SUPT3H: variants seen among roughly 807,000 people sequenced by gnomAD.
SUPT3H encodes the protein transcription initiation protein SPT3 homolog.
A neutral mutation model predicts 44.3 loss-of-function variants in SUPT3H; 44 were observed. That is an observed-to-expected ratio of 0.99 (90% confidence interval 0.78 to 1.28). The LOEUF is 1.28. Among genes scored for constraint, SUPT3H ranks in the 50% most tolerant of loss-of-function variants. The probability of loss-of-function intolerance (pLI) is 0.00; values close to 1 mark genes in which losing one functional copy is unlikely to be tolerated. For synonymous variants in SUPT3H, 124 were observed against 125.6 expected (o/e 0.99, Z 0.09); for missense variants, 380 against 387.1 (o/e 0.98, Z 0.15).
intron 3 of SUPT3H, among the ~76,000 whole-genome samples, chr6:45,086,044 CAGG>C (rs1796430912): frequency 6.6e-6 from 1 of 152,128 alleles, no homozygotes; most frequent in East Asian, 1.9e-4. Flanking sequence ...CTGAAGGTTG[CAGG>C]AGTTCTATCA....
intron 2 of SUPT3H, among the ~76,000 whole-genome samples, chr6:45,252,673 T>C (rs1447106218): frequency 2.6e-5 from 4 of 152,074 alleles, no homozygotes; most frequent in African/African-American, 7.2e-5. Flanking sequence ...AGAAAACATC[T>C]ATCAGAAGAG....
chr6:45,037,618 C>G (rs762689989), intron 3 of SUPT3H, among the ~76,000 whole-genome samples: 1 of 151,606 alleles, frequency 6.6e-6, no homozygotes, highest in Non-Finnish European at 1.5e-5. Context: ...GAGCTGAGAT[C>G]ATGCCACTGC....
chr6:45,083,657 T>C (rs1173667256), intron 3 of SUPT3H, among the ~76,000 whole-genome samples: 2 of 149,586 alleles, frequency 1.3e-5, no homozygotes, highest in African/African-American at 2.5e-5. Flanking sequence ...CTAAGTAAAA[T>C]GAACAGTCAG....
At chr6:44,909,875 A>G (rs1000043040) in intron 10 of SUPT3H, among the ~76,000 whole-genome samples, 1 of 152,234 alleles carries the variant, frequency 6.6e-6, no homozygotes, top group Non-Finnish European at 1.5e-5. Flanking sequence ...TCAAACTTTA[A>G]ATGAAGTTTA....
At position 44,928,882 on chromosome 6, in the gene SUPT3H, C is replaced by CAAAATAAATA. The variant is rs1491206167; in HGVS notation, c.912+3770_912+3771insTATTTATTTT. Among the ~76,000 whole-genome samples the CAAAATAAATA allele has an allele frequency of 1.4e-3, 29 of 20,632 alleles. 1 individual carries two copies. The highest frequency in any genetic ancestry group is 8.2e-3 in the African/African-American group (26 of 3,166). The allele number at this position is 20,632 out of a possible 152,430, so 13.5% of individuals were successfully genotyped here. A position where few individuals can be genotyped will look rare whatever the true frequency, so the allele number is the denominator to read the frequency against. ...TGGGCGACAGAACGAGACTCCGTCTCAAAAAAAAAAAAAAAAAAAAAAGAA... is the reference window on the plus strand; with the variant it reads ...TGGGCGACAGAACGAGACTCCGTCTCAAAATAAATAAAAAAAAAAAAAAAAAAAAAAAGAA... On this transcript the variant is annotated intron_variant, in intron 10 of 10. Coordinates refer to ENST00000371459, the MANE Select transcript of SUPT3H (RefSeq NM_003599.4).
At chr6:45,332,722 GA>G (rs1182758957) in intron 2 of SUPT3H, among the ~76,000 whole-genome samples, 10 of 151,508 alleles carry the variant, frequency 6.6e-5, no homozygotes, top group African/African-American at 2.4e-4. Context: ...AAAAACATGT[GA>G]CCAAATAGAC....
chr6:45,376,805 T>C (rs1796841282), intron 1 of SUPT3H, among the ~76,000 whole-genome samples: 1 of 151,868 alleles, frequency 6.6e-6, no homozygotes, highest in South Asian at 2.1e-4. Flanking sequence ...TTCCAGAGTC[T>C]GCCCTTCACA....
chr6:45,303,315 A>C (rs569047165), intron 2 of SUPT3H, among the ~76,000 whole-genome samples: 98 of 152,268 alleles, frequency 6.4e-4, no homozygotes, highest in African/African-American at 2.3e-3. Context: ...AAGGATATAA[A>C]CAGCAGAGTA....
chr6:44,982,595 CTA>C (rs1779252073), intron 6 of SUPT3H, among the ~76,000 whole-genome samples: 1 of 152,294 alleles, frequency 6.6e-6, no homozygotes, highest in East Asian at 1.9e-4. Flanking sequence ...TACTTCAAAA[CTA>C]TGAGTGTGTT....
chr6:44,929,869 G>C (rs950135161), intron 10 of SUPT3H, among the ~76,000 whole-genome samples: 8 of 151,662 alleles, frequency 5.3e-5, no homozygotes, highest in Non-Finnish European at 1.0e-4. Context: ...ATTTTAATGA[G>C]ATAATTTTTA....
At chr6:45,000,974 T>C (rs1464030348) in intron 6 of SUPT3H, among the ~76,000 whole-genome samples, 1 of 152,102 alleles carries the variant, frequency 6.6e-6, no homozygotes, top group Non-Finnish European at 1.5e-5. Context: ...ATTGACAAAC[T>C]TGAGCTTCTC....
At chr6:44,882,093 C>G (rs192872990) in intron 10 of SUPT3H, among the ~76,000 whole-genome samples, 1 of 152,240 alleles carries the variant, frequency 6.6e-6, no homozygotes, top group African/African-American at 2.4e-5. Flanking sequence ...ATCAATGAAT[C>G]CAGGAGCTGG....
chr6:44,965,286 G>T (rs1776620875), intron 6 of SUPT3H, among the ~76,000 whole-genome samples: 2 of 152,194 alleles, frequency 1.3e-5, no homozygotes, highest in South Asian at 4.1e-4. Context: ...TGAGGCAGCA[G>T]AACCCCTAGG....
At chr6:45,243,243 C>T (rs987365648) in intron 2 of SUPT3H, among the ~76,000 whole-genome samples, 4 of 134,020 alleles carry the variant, frequency 3.0e-5, no homozygotes, top group Middle Eastern at 4.0e-3. Flanking sequence ...TATATACAAG[C>T]TCAAGAATTT....
intron 10 of SUPT3H, among the ~76,000 whole-genome samples, chr6:44,833,544 A>AACTT (rs566383170): frequency 5.9e-5 from 9 of 152,148 alleles, no homozygotes; most frequent in African/African-American, 9.7e-5. Flanking sequence ...ATTTAATTTG[A>AACTT]ACTTACTTAC....
chr6:45,156,350 T>G (rs1041058236), intron 2 of SUPT3H, among the ~76,000 whole-genome samples: 1 of 152,130 alleles, frequency 6.6e-6, no homozygotes, highest in Admixed American at 6.6e-5. Context: ...TCAACATTTG[T>G]ATAGTGTTTT....
intron 3 of SUPT3H, among the ~76,000 whole-genome samples, chr6:45,058,722 C>A (rs770567032): frequency 2.0e-5 from 3 of 152,040 alleles, no homozygotes; most frequent in Admixed American, 1.3e-4. Flanking sequence ...ATTCATTATC[C>A]CTTCCCCTGC....
Position 44,987,370 on chromosome 6 carries a change from T to C in SUPT3H, c.504+16283A>G, listed in dbSNP as rs543477573. 2.0e-5 allele frequency among the ~76,000 whole-genome samples: 3 copies of C among 152,066 alleles called. No individual in the cohort carries two copies. The South Asian group carries it at 6.2e-4, about 32-fold the overall frequency. ...GTCAGAGAAAATCTCTCTGAAAATA[T>C]GATATGTGAGTAGAGATCTGAGGAA... On this transcript the variant is annotated intron_variant, in intron 6 of 10. Transcript: ENST00000371459.
intron 5 of SUPT3H, among the ~76,000 whole-genome samples, chr6:45,005,318 C>T (rs1208215730): frequency 1.3e-5 from 2 of 152,176 alleles, no homozygotes; most frequent in Admixed American, 6.5e-5. Flanking sequence ...TGCCCATTTT[C>T]AACTGGGTTG....
Sources: allele counts gnomAD v4.1 joint callset (sites outside exome capture counted in the v4.1 genomes callset), GRCh38; gene constraint gnomAD v4.1.1; transcripts MANE v1.5; gene names NCBI Gene and HGNC (gene_info 2026-07-23, HGNC 2026-07-21).